The following TCF7L1 variants were observed in gnomAD, a reference collection of about 807,000 sequenced individuals.
TCF7L1 encodes the protein transcription factor 7-like 1.
Under a neutral mutation model 63.7 loss-of-function variants are expected in TCF7L1, and 18 were observed. That is an observed-to-expected ratio of 0.28 (90% CI 0.20 to 0.42). The LOEUF is 0.42. Ranked by LOEUF, TCF7L1 falls within the 10% of genes least tolerant of loss-of-function variation. TCF7L1 has a pLI of 1.00. For synonymous variants in TCF7L1, 355 were observed against 340.9 expected, an observed-to-expected ratio of 1.04 and a Z score of -0.46; for missense variants, 654 against 779.3, an observed-to-expected ratio of 0.84 and a Z score of 1.91.
chr2:85,192,502 G>A (rs893026694), intron 3 of TCF7L1, among the ~76,000 whole-genome samples: 9 of 151,924 alleles, frequency 5.9e-5, no homozygotes, highest in Non-Finnish European at 1.0e-4. Context: ...ATTCTCATGC[G>A]TCAGCCTCCT....
At chr2:85,224,424 A>G (rs143950280) in intron 3 of TCF7L1, among the ~76,000 whole-genome samples, 4 of 152,124 alleles carry the variant, frequency 2.6e-5, no homozygotes, top group African/African-American at 9.7e-5. Flanking sequence ...AAGTGTTCCT[A>G]TTTCTCCACA....
At chr2:85,298,399 G>C (rs1045828066) in intron 4 of TCF7L1, among the ~76,000 whole-genome samples, 1 of 143,698 alleles carries the variant, frequency 7.0e-6, no homozygotes, top group Non-Finnish European at 1.5e-5. Flanking sequence ...GCTGAGGCCA[G>C]AGAATTGCTT....
At chr2:85,261,132 G>GTGTGTT in intron 3 of TCF7L1, among the ~76,000 whole-genome samples, 1 of 134,836 alleles carries the variant, frequency 7.4e-6, no homozygotes, top group Non-Finnish European at 1.5e-5. Context: ...TGGTGTGTGT[G>GTGTGTT]TGTGTGTGTG....
Position 85,259,262 on chromosome 2 carries a change from C to T in TCF7L1, c.442-24233C>T, listed in dbSNP as rs148539030. Among the ~76,000 whole-genome samples, 1,396 of 152,316 alleles carry T rather than the reference C, an allele frequency of 9.2e-3. 16 individuals carry two copies. The highest frequency in any genetic ancestry group is 0.032 in the African/African-American group (1,334 of 41,562). On this transcript the variant is annotated intron_variant, in intron 3 of 11. Coordinates refer to ENST00000282111, the MANE Select transcript of TCF7L1 (RefSeq NM_031283.3). Reference sequence around the variant, plus strand: ...CTAAAACTGCTCTGTCAGTAAGCGCCCCGCCAATCCCCGTGTAAACATATT... The same window carrying T: ...CTAAAACTGCTCTGTCAGTAAGCGCTCCGCCAATCCCCGTGTAAACATATT...
At chr2:85,287,467 A>T (rs538766122) in intron 4 of TCF7L1, among the ~76,000 whole-genome samples, 1 of 152,362 alleles carries the variant, frequency 6.6e-6, no homozygotes, top group African/African-American at 2.4e-5. Flanking sequence ...CCAAACAAAC[A>T]TCTAACCATT....
chr2:85,203,550 G>A (rs1212881343), intron 3 of TCF7L1, among the ~76,000 whole-genome samples: 1 of 151,942 alleles, frequency 6.6e-6, no homozygotes, highest in African/African-American at 2.4e-5. Context: ...AACATAGCAA[G>A]ACCCTGTCTC....
intron 4 of TCF7L1, among the ~76,000 whole-genome samples, chr2:85,296,097 G>A (rs4832155): frequency 0.75 from 114,740 of 152,116 alleles, 44,706 homozygotes; most frequent in East Asian, 0.94. Flanking sequence ...AACTTTTCAT[G>A]TCATTATCTT....
intron 3 of TCF7L1, among the ~76,000 whole-genome samples, chr2:85,256,525 T>A (rs1394913580): frequency 6.6e-6 from 1 of 152,182 alleles, no homozygotes; most frequent in African/African-American, 2.4e-5. Context: ...GGACACACAA[T>A]CAATTACATA....
chr2:85,304,288 T>A lies in TCF7L1; in HGVS notation c.795T>A (p.Gly265=), dbSNP rs2104388949. Residue 265 remains glycine, a synonymous_variant, in exon 7 of 12, where the codon GGT becomes GGA. Coordinates refer to ENST00000282111, the MANE Select transcript of TCF7L1 (RefSeq NM_031283.3). ...AGCCCATGTACTCCCTTCCTCCCGG[T>A]GGCTTCCGGCACCCTTACCCCGCCC... ...QGQPMYSLPP[G]GFRHPYPALA... is the part of the protein sequence containing the mutation. The A allele has an allele frequency of 6.2e-7, 1 of 1,614,020 alleles. No homozygotes were observed. The highest frequency in any genetic ancestry group is 2.2e-5 in the East Asian group (1 of 44,866).
chr2:85,309,171 T>A lies in TCF7L1; in HGVS notation c.1476T>A (p.Pro492=), dbSNP rs1230126240. 6.2e-7 allele frequency: 1 copy of A among 1,613,074 alleles called. No homozygotes were observed. Residue 492 remains proline (P), a synonymous_variant, in exon 12 of 12, where the codon CCT becomes CCA. Transcript: ENST00000282111. ...CAGCTTTGGCCTCACCAGCTGCCCCTGCTGCCACCCATTCGGAGCAAGCCC... is the reference window on the plus strand; with the variant it reads ...CAGCTTTGGCCTCACCAGCTGCCCCAGCTGCCACCCATTCGGAGCAAGCCC... The part of the protein sequence containing the change: ...PSAALASPAA[P]AATHSEQAQP...
rs1677544235 is a variant in TCF7L1 at position 85,134,539 on chromosome 2, G to A, written c.441+89G>A. On this transcript the variant is annotated intron_variant, in intron 3 of 11. Transcript: ENST00000282111. This position sits in a 1 kb window ranked among gnomAD's most constrained non-coding sequence, Gnocchi z 5.0. ...GCTTGGCCATGGAGTGGGGGATGGG[G>A]CCTTCTGCGCCGATCCCAAGCAGAA... The A allele has an allele frequency of 6.8e-7, 1 of 1,478,632 alleles. No homozygotes were observed. Among genetic ancestry groups the A allele is most frequent in the Middle Eastern group, 2.5e-4 (1 of 4,080 alleles). The allele number at this position is 1,478,632 out of a possible 1,614,324, so 91.6% of individuals were successfully genotyped here. A position where few individuals can be genotyped will look rare whatever the true frequency, so the allele number is the denominator to read the frequency against.
At chr2:85,291,362 C>A (rs978747810) in intron 4 of TCF7L1, among the ~76,000 whole-genome samples, 7 of 152,220 alleles carry the variant, frequency 4.6e-5, no homozygotes, top group African/African-American at 1.7e-4. Context: ...TATCTAAATT[C>A]ATCACTCACA....
intron 3 of TCF7L1, among the ~76,000 whole-genome samples, chr2:85,267,930 T>C (rs996829415): frequency 1.3e-5 from 2 of 152,238 alleles, no homozygotes; most frequent in Admixed American, 6.5e-5. Context: ...TGAAATGATA[T>C]TAATATCAAA....
At chr2:85,145,708 A>G (rs1483733283) in intron 3 of TCF7L1, among the ~76,000 whole-genome samples, 2 of 152,246 alleles carry the variant, frequency 1.3e-5, no homozygotes, top group Admixed American at 1.3e-4. Flanking sequence ...GACCTGCCCA[A>G]GGGCAAACAA....
intron 3 of TCF7L1, among the ~76,000 whole-genome samples, chr2:85,202,144 A>G (rs1679286687): frequency 6.6e-6 from 1 of 151,864 alleles, no homozygotes; most frequent in African/African-American, 2.4e-5. Flanking sequence ...TTGTATTTTT[A>G]GTAGAGATGG....
At chr2:85,197,676 G>A (rs886069029) in intron 3 of TCF7L1, among the ~76,000 whole-genome samples, 1 of 152,102 alleles carries the variant, frequency 6.6e-6, no homozygotes, top group African/African-American at 2.4e-5. Context: ...ACTGTCAATC[G>A]TCACCCTGCC....
Position 85,260,747 on chromosome 2 carries a change from A to ATGTGC in TCF7L1, c.442-22744_442-22740dup, listed in dbSNP as rs571808335. On this transcript the variant is annotated intron_variant, in intron 3 of 11. Transcript: ENST00000282111. Reference sequence around the variant, plus strand: ...CCATTTAATGAACATATGTTGAATAATGTGCTGTACTGTGTACCACAGATA... The same window carrying ATGTGC: ...CCATTTAATGAACATATGTTGAATAATGTGCTGTGCTGTACTGTGTACCACAGATA... 3.5e-4 allele frequency among the ~76,000 whole-genome samples: 53 copies of ATGTGC among 152,326 alleles called. 1 individual carries two copies. In the South Asian group the frequency reaches 8.5e-3, roughly 24 times the overall value.
rs1233321570 is a variant in TCF7L1 at position 85,305,266 on chromosome 2, C to T, written c.852C>T (p.Val284=). 1.2e-6 allele frequency: 2 copies of T among 1,614,116 alleles called. No individual in the cohort carries two copies. Among genetic ancestry groups the T allele is most frequent in the South Asian group, 2.2e-5 (2 of 91,070 alleles). Reference sequence around the variant, plus strand: ...GTTTCTATCCGGTGCACAGCCTGGTCTCCAGTCGGTTCTCTCCTCACATGG... The same window carrying T: ...GTTTCTATCCGGTGCACAGCCTGGTTTCCAGTCGGTTCTCTCCTCACATGG... The part of the protein sequence containing the change: ...LAMNASMSSL[V]SSRFSPHMVA... Residue 284 remains valine, a synonymous_variant, in exon 8 of 12, where the codon GTC becomes GTT. Coordinates refer to ENST00000282111, the MANE Select transcript of TCF7L1 (RefSeq NM_031283.3).
At chr2:85,308,815 G>A (rs1266314419) in intron 11 of TCF7L1, among the ~76,000 whole-genome samples, 3 of 152,116 alleles carry the variant, frequency 2.0e-5, no homozygotes, top group African/African-American at 7.2e-5. Flanking sequence ...ATCTGATGCT[G>A]GGTGGATCTT....
Sources: allele counts gnomAD v4.1 joint callset (sites outside exome capture counted in the v4.1 genomes callset), GRCh38; gene constraint gnomAD v4.1.1; non-coding constraint Gnocchi (gnomAD v3.1); transcripts MANE v1.5; gene names NCBI Gene and HGNC (gene_info 2026-07-23, HGNC 2026-07-21).